The following RBFOX1 variants were observed in gnomAD, a reference collection of about 807,000 sequenced individuals.
RBFOX1 encodes the protein RNA binding fox-1 homolog 1, also known as RNA binding protein fox-1 homolog 1.
RBFOX1 carries 8 observed loss-of-function variants against 57.7 expected under a neutral mutation model. That is an observed-to-expected ratio of 0.14 (90% confidence interval 0.08 to 0.25). RBFOX1 has a LOEUF of 0.25. Among genes scored for constraint, RBFOX1 ranks in the 10% least tolerant of loss-of-function variants. The pLI is 1.00. For synonymous variants in RBFOX1, 326 were observed against 222.4 expected, an observed-to-expected ratio of 1.47 and a Z score of -4.15; for missense variants, 611 against 548.5, an observed-to-expected ratio of 1.11 and a Z score of -1.14.
At chr16:7,222,665 T>C (rs2092816246) in intron 4 of RBFOX1, among the ~76,000 whole-genome samples, 1 of 152,200 alleles carries the variant, frequency 6.6e-6, no homozygotes, top group African/African-American at 2.4e-5. Context: ...TACCTCTTTG[T>C]TCCTTATAAG....
intron 3 of RBFOX1, among the ~76,000 whole-genome samples, chr16:6,874,902 T>C (rs1428532474): frequency 6.6e-6 from 1 of 152,086 alleles, no homozygotes; most frequent in Non-Finnish European, 1.5e-5. Context: ...CCCACAAAAC[T>C]ATTGAAATAA....
At chr16:7,455,589 C>T (rs973743049) in intron 4 of RBFOX1, among the ~76,000 whole-genome samples, 8 of 151,492 alleles carry the variant, frequency 5.3e-5, no homozygotes, top group African/African-American at 1.5e-4. Context: ...TTCAAGAGTT[C>T]GAGACCAGCC....
chr16:6,506,982 T>C (rs753913326), intron 2 of RBFOX1, among the ~76,000 whole-genome samples: 1 of 152,160 alleles, frequency 6.6e-6, no homozygotes, highest in Non-Finnish European at 1.5e-5. Flanking sequence ...GGGATTTCTT[T>C]ATGTCAGGCA....
At chr16:5,745,427 G>T (rs894923072) in intron 3 of RBFOX1, among the ~76,000 whole-genome samples, 10 of 152,186 alleles carry the variant, frequency 6.6e-5, no homozygotes, top group African/African-American at 2.2e-4. Context: ...CTTTATAGCA[G>T]CATGATTTAC....
intron 2 of RBFOX1, among the ~76,000 whole-genome samples, chr16:6,511,124 A>C: frequency 6.6e-6 from 1 of 152,172 alleles, no homozygotes. Context: ...GGCACTGGAT[A>C]AAGCCCAGTG....
intron 4 of RBFOX1, among the ~76,000 whole-genome samples, chr16:7,266,918 G>A (rs919722699): frequency 6.6e-6 from 1 of 152,008 alleles, no homozygotes; most frequent in Admixed American, 6.6e-5. Flanking sequence ...GAGGTTGCTG[G>A]GGGGAGACTG....
chr16:5,733,400 G>C (rs147421934), intron 3 of RBFOX1, among the ~76,000 whole-genome samples: 182 of 152,276 alleles, frequency 1.2e-3, no homozygotes, highest in Non-Finnish European at 2.3e-3. Context: ...ACATTGCCAG[G>C]TGATCCGAAG....
chr16:5,891,991 A>G (rs371232595), intron 4 of RBFOX1, among the ~76,000 whole-genome samples: 1 of 152,336 alleles, frequency 6.6e-6, no homozygotes, highest in East Asian at 1.9e-4. Context: ...TGTGCTGGGT[A>G]TCGGGGAGAG....
intron 2 of RBFOX1, among the ~76,000 whole-genome samples, chr16:6,409,984 G>C (rs1192636008): frequency 6.6e-6 from 1 of 152,120 alleles, no homozygotes; most frequent in Non-Finnish European, 1.5e-5. Context: ...GAGGCTGCTT[G>C]CTTTACCTGT....
intron 1 of RBFOX1, among the ~76,000 whole-genome samples, chr16:5,462,007 C>G (rs2068802599): frequency 6.6e-6 from 1 of 152,098 alleles, no homozygotes; most frequent in Non-Finnish European, 1.5e-5. Context: ...AAGGTGGCAC[C>G]AATTTCCACT....
intron 3 of RBFOX1, among the ~76,000 whole-genome samples, chr16:6,701,065 C>T (rs908765850): frequency 4.6e-5 from 7 of 151,894 alleles, no homozygotes; most frequent in African/African-American, 1.7e-4. Context: ...ATGATGTGAG[C>T]CTGGAAAGCC....
At chr16:7,004,977 C>T (rs1004692647) in intron 3 of RBFOX1, among the ~76,000 whole-genome samples, 3 of 152,128 alleles carry the variant, frequency 2.0e-5, no homozygotes, top group Admixed American at 6.6e-5. Context: ...AACCCCATTT[C>T]TACCAAAAAT....
In RBFOX1 at chr16:7,273,204, C is replaced by CCTTCCTT. The variant is rs2095367580; in HGVS notation, c.27+221107_27+221108insTTCCTTC. Among the ~76,000 whole-genome samples, 71 of 35,172 alleles carry CCTTCCTT rather than the reference C, an allele frequency of 2.0e-3. 4 individuals carry two copies. Among genetic ancestry groups the CCTTCCTT allele is most frequent in the Non-Finnish European group, 1.1e-3 (22 of 20,140 alleles). 23.1% of individuals were successfully genotyped at this position (35,172 alleles called of 152,430 possible). A position where few individuals can be genotyped will look rare whatever the true frequency, so the allele number is the denominator to read the frequency against. ...TTCCTTCCTCCCTTCCTTCCTCCCTCCCTTCCTTCCTTCCTTCCTTCCTTC... is the reference window on the plus strand; with the variant it reads ...TTCCTTCCTCCCTTCCTTCCTCCCTCCTTCCTTCCTTCCTTCCTTCCTTCCTTCCTTC... On this transcript the variant is annotated intron_variant, in intron 4 of 15. Transcript: ENST00000550418.
intron 3 of RBFOX1, among the ~76,000 whole-genome samples, chr16:6,667,079 C>A (rs1457080951): frequency 6.6e-6 from 1 of 152,100 alleles, no homozygotes; most frequent in Non-Finnish European, 1.5e-5. Flanking sequence ...TTTCCTCTTT[C>A]ATTTATTTTT....
intron 1 of RBFOX1, among the ~76,000 whole-genome samples, chr16:6,262,351 C>A (rs1198632314): frequency 1.3e-5 from 2 of 152,086 alleles, no homozygotes; most frequent in East Asian, 3.9e-4. Flanking sequence ...GTACCTCTAC[C>A]TGCAAAGGAG....
intron 3 of RBFOX1, among the ~76,000 whole-genome samples, chr16:6,908,502 G>A (rs1272191740): frequency 6.6e-6 from 1 of 152,088 alleles, no homozygotes; most frequent in East Asian, 1.9e-4. Context: ...AGGTATTTCC[G>A]GGTTATAGCT....
chr16:6,710,547 C>G (rs565784783), intron 3 of RBFOX1, among the ~76,000 whole-genome samples: 2 of 152,344 alleles, frequency 1.3e-5, no homozygotes, highest in East Asian at 1.9e-4. Flanking sequence ...GTTACTTTAT[C>G]TAAAGGTGCA....
intron 2 of RBFOX1, among the ~76,000 whole-genome samples, chr16:6,601,044 C>T (rs751919714): frequency 5.9e-5 from 9 of 152,162 alleles, no homozygotes; most frequent in Non-Finnish European, 1.2e-4. Flanking sequence ...AAGAAAAAAA[C>T]AGTGTTTGAA....
downstream of RBFOX1, among the ~76,000 whole-genome samples, chr16:5,604,347 G>A (rs1309275982): frequency 1.3e-5 from 2 of 152,168 alleles, no homozygotes; most frequent in African/African-American, 4.8e-5. Context: ...AAGGGAGTTG[G>A]CAGGAGCTGG....
Sources: allele counts gnomAD v4.1 joint callset (sites outside exome capture counted in the v4.1 genomes callset), GRCh38; gene constraint gnomAD v4.1.1; transcripts MANE v1.5; gene names NCBI Gene and HGNC (gene_info 2026-07-23, HGNC 2026-07-21).